The following TEX29 variants were observed in gnomAD, a reference collection of about 807,000 sequenced individuals.
TEX29 encodes testis expressed 29, also known as testis-expressed protein 29.
Under a neutral mutation model 18.2 loss-of-function variants are expected in TEX29, and 26 were observed. That is an observed-to-expected ratio of 1.43 (90% CI 1.04 to 1.98). The LOEUF (loss-of-function observed/expected upper bound fraction) is 1.98, where lower values mean the gene tolerates loss of function less well. TEX29 is among the 30% of genes most tolerant of loss of function. The probability of loss-of-function intolerance (pLI) is 0.00; values close to 1 mark genes in which losing one functional copy is unlikely to be tolerated. For synonymous variants in TEX29, 83 were observed against 78.5 expected, an observed-to-expected ratio of 1.06 and a Z score of -0.31; for missense variants, 177 against 194.2, an observed-to-expected ratio of 0.91 and a Z score of 0.53.
intron 3 of TEX29, among the ~76,000 whole-genome samples, chr13:111,330,399 A>G (rs984823475): frequency 7.2e-5 from 11 of 152,172 alleles, no homozygotes; most frequent in African/African-American, 2.4e-4. Flanking sequence ...AATGGATACC[A>G]CTGATAGTTG....
chr13:111,322,507 G>A (rs979177288), intron 2 of TEX29, among the ~76,000 whole-genome samples: 5 of 152,140 alleles, frequency 3.3e-5, no homozygotes, highest in Non-Finnish European at 7.4e-5. Flanking sequence ...GTCTGTGAGG[G>A]GCTGTCAGGG....
chr13:111,342,576 A>AAG (rs1254152059), intron 4 of TEX29, among the ~76,000 whole-genome samples, 180 bp from the exon 5 acceptor site: 60 of 150,000 alleles, frequency 4.0e-4, no homozygotes, highest in African/African-American at 1.2e-3. Context: ...AAAAAAAAAA[A>AAG]AGAGAGAGAG....
intron 2 of TEX29, among the ~76,000 whole-genome samples, chr13:111,322,590 C>T (rs1038480992): frequency 3.9e-5 from 6 of 152,158 alleles, no homozygotes; most frequent in African/African-American, 9.7e-5. Context: ...GCCAGGTCAC[C>T]CAAGGCACTG....
At chr13:111,319,541 C>T (rs2093660334), upstream of TEX29, among the ~76,000 whole-genome samples, 1 of 152,190 alleles carries the variant, frequency 6.6e-6, no homozygotes, top group Admixed American at 6.5e-5. Flanking sequence ...CCCACAGCAC[C>T]AGCCTCCAGC....
At position 111,344,181 on chromosome 13, in the gene TEX29, G is replaced by T. The variant is rs1288782498; in HGVS notation, c.*58G>T. Reference sequence around the variant, plus strand: ...ATTATCCAAATGAAATGGTACAGCAGGTGCACTGTTAACAGTGTGATGGAA... The same window carrying T: ...ATTATCCAAATGAAATGGTACAGCATGTGCACTGTTAACAGTGTGATGGAA... On this transcript the variant is annotated 3_prime_UTR_variant, in exon 6 of 6. Coordinates refer to ENST00000283547, the MANE Select transcript of TEX29 (RefSeq NM_152324.3). The T allele has an allele frequency of 3.5e-6, 5 of 1,448,678 alleles. No individual in the cohort carries two copies. The African/African-American group carries it at 5.6e-5, about 16-fold the overall frequency. 89.7% of individuals were successfully genotyped at this position (1,448,678 alleles called of 1,614,324 possible).
At chr13:111,319,630 A>G (rs2093660487), upstream of TEX29, among the ~76,000 whole-genome samples, 1 of 152,002 alleles carries the variant, frequency 6.6e-6, no homozygotes, top group African/African-American at 2.4e-5. Context: ...CACTCTTATT[A>G]ATTGATTAGT....
intron 2 of TEX29, among the ~76,000 whole-genome samples, chr13:111,321,267 A>C (rs2093664097): frequency 6.6e-6 from 1 of 152,240 alleles, no homozygotes; most frequent in Non-Finnish European, 1.5e-5. Flanking sequence ...CAACTACTTC[A>C]TAACTTTTAT....
Position 111,339,850 on chromosome 13 carries a change from C to A in TEX29, c.170-13C>A. 1.9e-6 allele frequency: 3 copies of A among 1,613,922 alleles called. No homozygotes were observed. The highest frequency in any genetic ancestry group is 2.5e-6 in the Non-Finnish European group (3 of 1,179,790). ...CCTGGATCGAAATGACTTCAAATCC[C>A]ACCATTTTTCAGTTTACATCCACGT... On this transcript the variant is annotated splice_polypyrimidine_tract_variant and intron_variant, in intron 3 of 5. Transcript: ENST00000283547.
chr13:111,337,795 G>A lies in TEX29; in HGVS notation c.170-2068G>A, dbSNP rs904478787. The stretch of plus-strand genomic sequence containing the variant: ...CAAGCAGTTTCCCAGTGTGCTCCTC[G>A]GTACATGCACATTCCTGTTATCTGA... On this transcript the variant is annotated intron_variant, in intron 3 of 5. Transcript: ENST00000283547. 3.3e-5 allele frequency among the ~76,000 whole-genome samples: 5 copies of A among 152,066 alleles called. 1 individual carries two copies. The highest frequency in any genetic ancestry group is 2.0e-4 in the Admixed American group (3 of 15,262).
At chr13:111,325,435 T>C (rs965211429) in intron 2 of TEX29, among the ~76,000 whole-genome samples, 2 of 152,028 alleles carry the variant, frequency 1.3e-5, no homozygotes, top group Non-Finnish European at 2.9e-5. Flanking sequence ...CTGCCAGTGA[T>C]GTTTCTAGAG....
chr13:111,344,011 T>A (rs1254479756), intron 5 of TEX29, 72 bp from the exon 6 acceptor site: 5 of 1,326,748 alleles, frequency 3.8e-6, no homozygotes, highest in Non-Finnish European at 5.4e-6. Context: ...GGTTCAAAGA[T>A]CCTGATGAAA....
rs193150218 is a variant in TEX29, at chr13:111,339,778, G to A, written c.170-85G>A. The A allele has an allele frequency of 1.6e-4, 229 of 1,445,498 alleles. No homozygotes were observed. In the African/African-American group the frequency reaches 2.0e-3, roughly 13 times the overall value. The allele number at this position is 1,445,498 out of a possible 1,614,324, so 89.5% of individuals were successfully genotyped here. A position where few individuals can be genotyped will look rare whatever the true frequency, so the allele number is the denominator to read the frequency against. ...AGCCGCGCCGGGAGGGCCCGCACCCGACTCTGGGAGGGTTGCCTTTTCTTC... is the reference window on the plus strand; with the variant it reads ...AGCCGCGCCGGGAGGGCCCGCACCCAACTCTGGGAGGGTTGCCTTTTCTTC... On this transcript the variant is annotated intron_variant, in intron 3 of 5. Transcript: ENST00000283547.
chr13:111,344,187 C>A lies in TEX29; in HGVS notation c.*64C>A. 1 of 1,390,886 alleles carries A rather than the reference C, an allele frequency of 7.2e-7. No homozygotes were observed. The highest frequency in any genetic ancestry group is 1.0e-6 in the Non-Finnish European group (1 of 986,404). The allele number at this position is 1,390,886 out of a possible 1,614,324, so 86.2% of individuals were successfully genotyped here. ...CAAATGAAATGGTACAGCAGGTGCA[C>A]TGTTAACAGTGTGATGGAATGACCA... On this transcript the variant is annotated 3_prime_UTR_variant, in exon 6 of 6. Transcript: ENST00000283547.
At chr13:111,325,678 G>A (rs1215037223) in intron 2 of TEX29, among the ~76,000 whole-genome samples, 3 of 152,022 alleles carry the variant, frequency 2.0e-5, no homozygotes, top group East Asian at 1.9e-4. Context: ...GTGGAGGTGC[G>A]TGCAGGAAAA....
At chr13:111,333,401 T>C (rs1004848269) in intron 3 of TEX29, among the ~76,000 whole-genome samples, 3 of 152,242 alleles carry the variant, frequency 2.0e-5, no homozygotes, top group African/African-American at 7.2e-5. Context: ...TAATTTTTCT[T>C]GGTTATATTT....
intron 3 of TEX29, among the ~76,000 whole-genome samples, chr13:111,331,870 A>G (rs554634485): frequency 1.3e-5 from 2 of 152,312 alleles, no homozygotes; most frequent in African/African-American, 4.8e-5. Flanking sequence ...CATAAAAATG[A>G]GAGTTTATTT....
intron 5 of TEX29, 27 bp from the exon 6 acceptor site, chr13:111,344,056 A>G: frequency 6.3e-7 from 1 of 1,598,408 alleles, no homozygotes; most frequent in Non-Finnish European, 8.6e-7. Flanking sequence ...CATTTGAAAA[A>G]ACAATTCTTC....
At chr13:111,320,566 C>T (rs1261408661), upstream of TEX29, 30 of 432,454 alleles carry the variant, frequency 6.9e-5, 1 homozygote, top group South Asian at 6.3e-4. Flanking sequence ...TCCTGTGTGA[C>T]GCCCACGTGA....
intron 3 of TEX29, among the ~76,000 whole-genome samples, chr13:111,330,245 G>A (rs901690360): frequency 1.3e-5 from 2 of 152,190 alleles, no homozygotes; most frequent in Non-Finnish European, 2.9e-5. Flanking sequence ...GGGATATTCT[G>A]GGCACAAAAT....
Sources: gnomAD v4.1 joint callset for allele counts (sites outside exome capture counted in the v4.1 genomes callset) on GRCh38, gnomAD v4.1.1 for gene constraint, MANE v1.5 for transcripts, NCBI Gene and HGNC (gene_info 2026-07-23, HGNC 2026-07-21) for gene names.